Variants in CAST observed in about 807,000 individuals in gnomAD.
The protein encoded by CAST is MIR583 host.
A neutral mutation model predicts 119.6 loss-of-function variants in CAST; 76 were observed. The ratio of observed to expected loss-of-function variants is 0.64; its 90% CI spans 0.53 to 0.77. The LOEUF (loss-of-function observed/expected upper bound fraction) is 0.77. Among genes scored for constraint, CAST ranks in the 30% least tolerant of loss-of-function variants. The pLI is 0.00. For missense variants in CAST, 953 were observed against 946.5 expected (o/e 1.01, Z -0.09); for synonymous variants, 319 against 331.6 (o/e 0.96, Z 0.41).
intron 1 of CAST, among the ~76,000 whole-genome samples, chr5:96,595,574 A>G (rs1004065820): frequency 6.6e-6 from 1 of 152,170 alleles, no homozygotes; most frequent in Admixed American, 6.5e-5. Context: ...AACCAATGCC[A>G]AGGGTGGGAT....
At chr5:96,209,990 G>A in the CAST span, 1 of 151,104 alleles carries the variant, frequency 6.6e-6, no homozygotes, top group East Asian at 1.9e-4. Context: ...GTCTATTTAT[G>A]TAATCCCATA....
At chr5:96,630,481 G>C (rs1747801194) in intron 1 of CAST, among the ~76,000 whole-genome samples, 1 of 152,144 alleles carries the variant, frequency 6.6e-6, no homozygotes, top group East Asian at 1.9e-4. Context: ...CTAAACAAGT[G>C]AATAAAGTAT....
At chr5:96,414,913 A>G in the CAST span, among the ~76,000 whole-genome samples, 44,771 of 152,132 alleles carry the variant, frequency 0.29, 7,555 homozygotes, top group Admixed American at 0.42. Context: ...TGAAAGATGC[A>G]TTACATGTCA....
chr5:96,310,859 C>CAA, the CAST span, among the ~76,000 whole-genome samples: 5 of 132,762 alleles, frequency 3.8e-5, no homozygotes, highest in African/African-American at 1.1e-4. Flanking sequence ...TATGTCTTCT[C>CAA]AAAAAAAAAA....
the CAST span, among the ~76,000 whole-genome samples, chr5:96,457,213 A>G: frequency 9.9e-5 from 15 of 152,248 alleles, no homozygotes; most frequent in Admixed American, 9.8e-4. Context: ...TAGATCTCTC[A>G]AAGCTCCCCA....
the CAST span, among the ~76,000 whole-genome samples, chr5:96,262,827 G>A: frequency 1.3e-5 from 2 of 152,178 alleles, no homozygotes; most frequent in African/African-American, 2.4e-5. Context: ...GAGCCACCAC[G>A]CCCAGCCTAC....
chr5:96,090,301 A>T, the CAST span, among the ~76,000 whole-genome samples: 1 of 152,166 alleles, frequency 6.6e-6, no homozygotes, highest in Non-Finnish European at 1.5e-5. Context: ...TACTAAGTTA[A>T]ACAACAAAAA....
At chr5:96,079,716 A>G in the CAST span, among the ~76,000 whole-genome samples, 1 of 152,212 alleles carries the variant, frequency 6.6e-6, no homozygotes, top group Non-Finnish European at 1.5e-5. Context: ...TATTGTTTAT[A>G]TAGCAACCTT....
the CAST span, among the ~76,000 whole-genome samples, chr5:96,119,423 G>A: frequency 6.6e-6 from 1 of 152,036 alleles, no homozygotes; most frequent in Non-Finnish European, 1.5e-5. Context: ...TAAAAAATGG[G>A]AAGACCTGGG....
the CAST span, among the ~76,000 whole-genome samples, chr5:96,204,360 CT>C: frequency 6.6e-6 from 1 of 152,012 alleles, no homozygotes; most frequent in African/African-American, 2.4e-5. Flanking sequence ...TTGTAATGAC[CT>C]TTGTGAGGTG....
chr5:96,550,156 G>A (rs923460812), intron 1 of CAST, among the ~76,000 whole-genome samples: 1 of 152,184 alleles, frequency 6.6e-6, no homozygotes, highest in East Asian at 1.9e-4. Flanking sequence ...CTCCCAGTAG[G>A]GGCCGACAGA....
chr5:96,708,483 C>G (rs1360489156), intron 3 of CAST, among the ~76,000 whole-genome samples: 1 of 151,722 alleles, frequency 6.6e-6, no homozygotes, highest in Non-Finnish European at 1.5e-5. Flanking sequence ...TCAGATTTTT[C>G]TATTGTTTTA....
At chr5:96,387,469 A>G in the CAST span, among the ~76,000 whole-genome samples, 63,575 of 151,948 alleles carry the variant, frequency 0.42, 14,039 homozygotes, top group African/African-American at 0.56. Context: ...GGACCTCATA[A>G]GTGGGCTTTC....
chr5:96,294,959 A>G, the CAST span, among the ~76,000 whole-genome samples: 1 of 152,224 alleles, frequency 6.6e-6, no homozygotes, highest in African/African-American at 2.4e-5. Flanking sequence ...TACTGGGCAC[A>G]TAAGCATCTC....
chr5:96,377,649 A>G, the CAST span, among the ~76,000 whole-genome samples: 193 of 152,282 alleles, frequency 1.3e-3, no homozygotes, highest in East Asian at 7.5e-3. Flanking sequence ...TGTTCACACA[A>G]TGATGAAATT....
At chr5:96,330,710 T>C in the CAST span, among the ~76,000 whole-genome samples, 3 of 152,180 alleles carry the variant, frequency 2.0e-5, no homozygotes, top group African/African-American at 7.2e-5. Context: ...TAAGATGTTG[T>C]GGGAGCTGGG....
At chr5:96,065,401 C>G in the CAST span, among the ~76,000 whole-genome samples, 1 of 149,172 alleles carries the variant, frequency 6.7e-6, no homozygotes, top group Non-Finnish European at 1.5e-5. Context: ...GGTTAATGAT[C>G]TGTGTGTGTG....
chr5:95,963,725 C>CTTTTTTTTTTTTTTTTTTTTT, the CAST span, among the ~76,000 whole-genome samples: 4 of 129,992 alleles, frequency 3.1e-5, no homozygotes, highest in African/African-American at 8.9e-5. Context: ...TTCTCTCTCT[C>CTTTTTTTTTTTTTTTTTTTTT]TTTTTTTTTT....
At chr5:96,021,468 T>G in the CAST span, among the ~76,000 whole-genome samples, 1 of 151,684 alleles carries the variant, frequency 6.6e-6, no homozygotes, top group Non-Finnish European at 1.5e-5. Context: ...TTTTTTGAGA[T>G]GGAGTCTCGC....
Sources: gnomAD v4.1 joint callset for allele counts (sites outside exome capture counted in the v4.1 genomes callset) on GRCh38, gnomAD v4.1.1 for gene constraint, MANE v1.5 for transcripts, NCBI Gene and HGNC (gene_info 2026-07-23, HGNC 2026-07-21) for gene names.